RECQL4: variants seen among roughly 807,000 people sequenced by gnomAD.
The protein encoded by RECQL4 is ATP-dependent DNA helicase Q4.
Under a neutral mutation model 128.6 loss-of-function variants are expected in RECQL4, and 158 were observed. The observed-to-expected ratio is 1.23, with a 90% CI of 1.08 to 1.40. The LOEUF (loss-of-function observed/expected upper bound fraction) is 1.40. RECQL4 is among the 40% of genes most tolerant of loss of function. The pLI, the probability that RECQL4 is intolerant of heterozygous loss-of-function variation, is 0.00. For missense variants in RECQL4, 2,293 were observed against 1,649.8 expected, an observed-to-expected ratio of 1.39 and a Z score of -6.75; for synonymous variants, 996 against 678.9, an observed-to-expected ratio of 1.47 and a Z score of -7.26.
rs1827239771 is a variant in RECQL4 at position 144,511,711 on chromosome 8, T to C, written c.3472A>G (p.Arg1158Gly). 6.2e-7 allele frequency: 1 copy of C among 1,612,548 alleles called. No individual in the cohort carries two copies. Among genetic ancestry groups the C allele is most frequent in the African/African-American group, 1.3e-5 (1 of 75,058 alleles). The part of the protein sequence containing the change: ...SLRPEEKFSS[R>G]AVARIFHGIG... ...CCGTGGAAGATGCGGGCCACAGCCC[T>C]GCTGGAGAACTTCTCCTCTGGCCTC... Residue 1158 changes from arginine to glycine, a missense_variant, in exon 20 of 21, where the codon AGG becomes GGG. Transcript: ENST00000617875.
chr8:144,513,264 C>T lies in RECQL4; in HGVS notation c.2417G>A (p.Gly806Glu), dbSNP rs762456224. The T allele has an allele frequency of 4.8e-4, 759 of 1,593,422 alleles. No homozygotes were observed. Among genetic ancestry groups the T allele is most frequent in the Non-Finnish European group, 6.1e-4 (718 of 1,176,382 alleles). ...ESYVQAVGRA[G>E]RDGQPAHCHL... The stretch of plus-strand genomic sequence containing the variant: ...GCAGTGGGCAGGCTGCCCGTCACGC[C>T]CGGCCCGGCCCACGGCCTGCACGTA... Residue 806 changes from glycine (G) to glutamate (E), a missense_variant, in exon 14 of 21, where the codon GGG becomes GAG. Gly to Glu is a moderately conservative substitution (Grantham distance 98). Coordinates refer to ENST00000617875, the MANE Select transcript of RECQL4 (RefSeq NM_004260.4).
rs762080821 is a variant in RECQL4, at chr8:144,513,579, C to T, written c.2192G>A (p.Gly731Glu). 6.8e-6 allele frequency: 11 copies of T among 1,610,546 alleles called. No individual in the cohort carries two copies. Among genetic ancestry groups the T allele is most frequent in the Middle Eastern group, 1.6e-4 (1 of 6,080 alleles). ...CTCTGTCCATGCCGCACCTCCAGAC[C>T]CTGGGACCCAGGCTGCGTGCAGGCA... ...RTCLHAAWVP[G>E]SGGRAPKTTA... Residue 731 changes from glycine to glutamate, a missense_variant, in exon 13 of 21, where the codon GGG (glycine) becomes GAG (glutamate). Physicochemically the swap from Gly to Glu is moderately conservative, Grantham distance 98. Coordinates refer to ENST00000617875, the MANE Select transcript of RECQL4 (RefSeq NM_004260.4).
rs758586322 is a variant in RECQL4 at position 144,515,137 on chromosome 8, C to T, written c.1483+13G>A. The T allele has an allele frequency of 1.9e-5, 30 of 1,567,124 alleles. No individual in the cohort carries two copies. The Admixed American group carries it at 4.4e-4, about 23-fold the overall frequency. ...GGCCTCAGCCCAGCCTCAGCCCTGGCAGCCACGCTCACCAGACAGGATCCG... is the reference window on the plus strand; with the variant it reads ...GGCCTCAGCCCAGCCTCAGCCCTGGTAGCCACGCTCACCAGACAGGATCCG... On this transcript the variant is annotated intron_variant, in intron 8 of 20. Coordinates refer to ENST00000617875, the MANE Select transcript of RECQL4 (RefSeq NM_004260.4).
chr8:144,512,110 G>T, intron 18 of RECQL4, 34 bp downstream of exon 18: 1 of 1,602,644 alleles, frequency 6.2e-7, no homozygotes, highest in South Asian at 1.1e-5. Context: ...GCGGGAGGGT[G>T]GATGGTCCCA....
chr8:144,513,219 TGG>T lies in RECQL4; in HGVS notation c.2460_2461del (p.Gln821GlyfsTer62). 1 of 1,562,472 alleles carries T rather than the reference TGG, an allele frequency of 6.4e-7. No homozygotes were observed. Among genetic ancestry groups the T allele is most frequent in the Non-Finnish European group, 8.6e-7 (1 of 1,159,064 alleles). On this transcript the variant is annotated frameshift_variant and splice_region_variant, in exon 14 of 21. Transcript: ENST00000617875. LOFTEE classifies it high-confidence loss of function. ...AGTGTGGGGGGGGGGGGTGCCAACC[TGG>T]GGCTGCAGGAAGAGGTGGCAGTGGG...
Position 144,515,234 on chromosome 8 carries a change from C to T in RECQL4, c.1399G>A (p.Ala467Thr), listed in dbSNP as rs770371344. Residue 467 changes from alanine to threonine, a missense_variant, in exon 8 of 21, where the codon GCT (alanine) becomes ACT (threonine). Coordinates refer to ENST00000617875, the MANE Select transcript of RECQL4 (RefSeq NM_004260.4). ...GPSGQLAETPAEVFQALEQLG... is the reference protein window; with the variant it reads ...GPSGQLAETPTEVFQALEQLG... ...TGCTCCAGGGCCTGGAACACCTCAG[C>T]CGGCGTCTCTGCAGACACAGATGTT... 2 of 1,587,124 alleles carry T rather than the reference C, an allele frequency of 1.3e-6. No homozygotes were observed. The highest frequency in any genetic ancestry group is 1.7e-6 in the Non-Finnish European group (2 of 1,167,574).
intron 18 of RECQL4, 35 bp downstream of exon 18, chr8:144,512,109 T>A (rs1469160864): frequency 6.2e-7 from 1 of 1,601,254 alleles, no homozygotes; most frequent in Non-Finnish European, 8.5e-7. Context: ...TGCGGGAGGG[T>A]GGATGGTCCC....
rs774077911 is a variant in RECQL4 at position 144,515,975 on chromosome 8, G to A, written c.1131+13C>T. ...GGAAAGGGAATGCCTGTCCTGGCCC[G>A]TCGCTGTCTTACCTGCTTGCGGAGG... On this transcript the variant is annotated intron_variant, in intron 5 of 20. Transcript: ENST00000617875. 10 of 1,610,610 alleles carry A rather than the reference G, an allele frequency of 6.2e-6. No individual in the cohort carries two copies. The highest frequency in any genetic ancestry group is 1.7e-4 in the Middle Eastern group (1 of 6,054).
Position 144,516,683 on chromosome 8 carries a change from C to T in RECQL4, c.436G>A (p.Gly146Arg), listed in dbSNP as rs1815085488. 1.9e-6 allele frequency: 3 copies of T among 1,577,914 alleles called. No homozygotes were observed. Among genetic ancestry groups the T allele is most frequent in the Non-Finnish European group, 2.6e-6 (3 of 1,162,562 alleles). ...TTTTCTGCAAAGGAGGGGACAGGCC[C>T]TGTACCTGGGGGCTTTGGGGTGGAT... is the stretch of plus-strand genomic sequence containing the variant. ...KASTPKPPGT[G>R]PVPSFAEKVS... The change falls in exon 5 of 21, where the codon GGG becomes AGG. Residue 146 changes from glycine (G) to arginine (R), a missense_variant. Coordinates refer to ENST00000617875, the MANE Select transcript of RECQL4 (RefSeq NM_004260.4).
chr8:144,514,906 G>A (rs550927590), intron 9 of RECQL4, 30 bp downstream of exon 9: 1 of 1,608,176 alleles, frequency 6.2e-7, no homozygotes, highest in South Asian at 1.1e-5. Context: ...TCTTGGCTGT[G>A]TACGTGTGCC....
At chr8:144,514,145 C>T (rs1003210065) in intron 11 of RECQL4, 38 bp from the exon 12 acceptor site, 23 of 1,610,772 alleles carry the variant, frequency 1.4e-5, no homozygotes, top group Non-Finnish European at 1.7e-5. Flanking sequence ...GCCGCCCAGC[C>T]CATCCCGGCC....
At chr8:144,516,991 G>T in intron 4 of RECQL4, 59 bp downstream of exon 4, 3 of 1,560,930 alleles carry the variant, frequency 1.9e-6, no homozygotes, top group Non-Finnish European at 2.6e-6. Flanking sequence ...ACAAGAGGGC[G>T]ACCCGGACCG....
chr8:144,515,408 T>C lies in RECQL4; in HGVS notation c.1308A>G (p.Ser436=). The part of the protein sequence containing the change: ...DAVGPEPLVP[S]PQPVPEVPSL... ...TGGGCACCTCAGGTACAGGTTGTGG[T>C]GAAGGAACCAGTGGCTCAGGCCCAA... Residue 436 remains serine (S), a synonymous_variant, in exon 7 of 21, where the codon TCA becomes TCG. Transcript: ENST00000617875. 1 of 1,612,698 alleles carries C rather than the reference T, an allele frequency of 6.2e-7. No homozygotes were observed. Among genetic ancestry groups the C allele is most frequent in the Non-Finnish European group, 8.5e-7 (1 of 1,179,816 alleles).
Position 144,512,884 on chromosome 8 carries a change from T to C in RECQL4, c.2718A>G (p.Ile906Met). Residue 906 changes from isoleucine (I) to methionine (M), a missense_variant, in exon 15 of 21, where the codon ATA becomes ATG. Physicochemically the swap from Ile to Met is conservative, Grantham distance 10. Coordinates refer to ENST00000617875, the MANE Select transcript of RECQL4 (RefSeq NM_004260.4). ...TGTCCAAAGCCTGTACGGTAAGCTG[T>C]ATTGGGAGTGCCCGCTCATGGCCCA... ...VCMGHERALPIQLTVQALDMP... is the reference protein window; with the variant it reads ...VCMGHERALPMQLTVQALDMP... 1.3e-6 allele frequency: 2 copies of C among 1,595,968 alleles called. No individual in the cohort carries two copies. Among genetic ancestry groups the C allele is most frequent in the Non-Finnish European group, 1.7e-6 (2 of 1,171,382 alleles).
rs1586824485 is a variant in RECQL4, at chr8:144,516,415, T to C, written c.704A>G (p.Gln235Arg). The C allele has an allele frequency of 6.2e-7, 1 of 1,609,314 alleles. No individual in the cohort carries two copies. The highest frequency in any genetic ancestry group is 8.5e-7 in the Non-Finnish European group (1 of 1,179,656). The change falls in exon 5 of 21, where the codon CAG (glutamine) becomes CGG (arginine). Residue 235 changes from glutamine to arginine, a missense_variant. Coordinates refer to ENST00000617875, the MANE Select transcript of RECQL4 (RefSeq NM_004260.4). ...TTGGAAGGCTGAAGCCTCTGGGCCC[T>C]GGGAGCCAGCACCAGGACCAAGGAC... ...SAVLGPGAGS[Q>R]GPEASAFQEV...
In RECQL4 at chr8:144,517,207, G is replaced by A. The variant is rs768498709; in HGVS notation, c.214-17C>T. On this transcript the variant is annotated splice_polypyrimidine_tract_variant and intron_variant, in intron 3 of 20. Coordinates refer to ENST00000617875, the MANE Select transcript of RECQL4 (RefSeq NM_004260.4). ...CTCTGGCGCCTGCAGGAGACAACAG[G>A]GGCACAGGCCAGAAAAGGCTGTTGT... The A allele has an allele frequency of 6.3e-6, 10 of 1,586,788 alleles. No individual in the cohort carries two copies. The highest frequency in any genetic ancestry group is 2.7e-5 in the African/African-American group (2 of 74,446).
chr8:144,514,236 A>AG lies in RECQL4; in HGVS notation c.1830dup (p.Ser611LeufsTer41). ...GGCCGGAAGTTGTGGGACCACTGGG[A>AG]GAGGCAGTGGGCCTCATCAATGCAG... On this transcript the variant is annotated frameshift_variant, in exon 11 of 21. Transcript: ENST00000617875. LOFTEE classifies it high-confidence loss of function. 6.2e-7 allele frequency: 1 copy of AG among 1,612,282 alleles called. No homozygotes were observed. The highest frequency in any genetic ancestry group is 8.5e-7 in the Non-Finnish European group (1 of 1,179,712).
chr8:144,515,773 G>A lies in RECQL4; in HGVS notation c.1249C>T (p.Pro417Ser). 3 of 1,612,390 alleles carry A rather than the reference G, an allele frequency of 1.9e-6. No homozygotes were observed. Among genetic ancestry groups the A allele is most frequent in the Non-Finnish European group, 1.7e-6 (2 of 1,179,708 alleles). ...AGGGCAGATGTCTCACCTGGCCGGGGACACTGGGCTGCCCAGTGATCGAAC... is the reference window on the plus strand; with the variant it reads ...AGGGCAGATGTCTCACCTGGCCGGGAACACTGGGCTGCCCAGTGATCGAAC... ...EQFDHWAAQC[P>S]RPASEEDTDA... The change falls in exon 6 of 21, where the codon CCC becomes TCC. Residue 417 changes from proline (P) to serine (S), a missense_variant. Physicochemically the swap from Pro to Ser is moderately conservative, Grantham distance 74. Transcript: ENST00000617875.
Position 144,516,636 on chromosome 8 carries a change from C to G in RECQL4, c.483G>C (p.Gln161His), listed in dbSNP as rs985628516. The G allele has an allele frequency of 1.2e-5, 20 of 1,608,600 alleles. No individual in the cohort carries two copies. The highest frequency in any genetic ancestry group is 1.7e-5 in the Non-Finnish European group (20 of 1,177,782). ...FAEKVSDEPP[Q>H]LPEPQPRPGR... ...CTGGCCTTGGCTGGGGCTCAGGGAG[C>G]TGTGGAGGCTCATCACTGACTTTTT... The change falls in exon 5 of 21, where the codon CAG becomes CAC. Residue 161 changes from glutamine (Q) to histidine (H), a missense_variant. By Grantham distance (24) the Gln-to-His change is conservative. Coordinates refer to ENST00000617875, the MANE Select transcript of RECQL4 (RefSeq NM_004260.4).
Sources: gnomAD v4.1 joint callset for allele counts on GRCh38, gnomAD v4.1.1 for gene constraint, MANE v1.5 for transcripts, NCBI Gene and HGNC (gene_info 2026-07-23, HGNC 2026-07-21) for gene names.